The following EHBP1L1 variants were observed in gnomAD, a reference collection of about 807,000 sequenced individuals.
The protein encoded by EHBP1L1 is EH domain binding protein 1 like 1.
A neutral mutation model predicts 151.1 loss-of-function variants in EHBP1L1; 122 were observed. The ratio of observed to expected loss-of-function variants is 0.81; its 90% CI spans 0.70 to 0.94. The LOEUF (loss-of-function observed/expected upper bound fraction) is 0.94, where lower values mean the gene tolerates loss of function less well. Among genes scored for constraint, EHBP1L1 ranks in the 40% least tolerant of loss-of-function variants. The pLI is 0.00. For synonymous variants in EHBP1L1, 878 were observed against 810.1 expected, an observed-to-expected ratio of 1.08 and a Z score of -1.42; for missense variants, 1,941 against 1,959.8, an observed-to-expected ratio of 0.99 and a Z score of 0.18.
Position 65,582,484 on chromosome 11 carries a change from AT to A in EHBP1L1, c.1814del (p.Leu605TrpfsTer37). On this transcript the variant is annotated frameshift_variant, in exon 9 of 19. Transcript: ENST00000309295. LOFTEE classifies it high-confidence loss of function. ...AGACTAGGACACTAGAAATTGAGAT[AT>A]TGGGGGCCTTGGAGAAAGAAGCAGC... ...PETRTLEIEI[L>X]GALEKEAARS... 9 of 1,612,950 alleles carry A rather than the reference AT, an allele frequency of 5.6e-6. No individual in the cohort carries two copies. Among genetic ancestry groups the A allele is most frequent in the Non-Finnish European group, 7.6e-6 (9 of 1,179,810 alleles).
At position 65,582,828 on chromosome 11, in the gene EHBP1L1, C is replaced by G; in HGVS notation, c.2156C>G (p.Thr719Arg). The G allele has an allele frequency of 6.2e-7, 1 of 1,613,408 alleles. No individual in the cohort carries two copies. The highest frequency in any genetic ancestry group is 2.2e-5 in the East Asian group (1 of 44,862). ...SRVPESEAEG[T>R]EAKILGTQEI... ...GTACCAGAGTCAGAGGCTGAGGGGA[C>G]AGAAGCTAAAATATTAGGGACCCAG... Residue 719 changes from threonine (T) to arginine (R), a missense_variant, in exon 9 of 19, where the codon ACA (threonine) becomes AGA (arginine). Thr to Arg is a moderately conservative substitution (Grantham distance 71). Coordinates refer to ENST00000309295, the MANE Select transcript of EHBP1L1 (RefSeq NM_001099409.3).
chr11:65,589,674 A>G, intron 12 of EHBP1L1, 77 bp from the exon 13 acceptor site: 1 of 1,458,972 alleles, frequency 6.9e-7, no homozygotes, highest in Non-Finnish European at 9.0e-7. Flanking sequence ...TCCCCTCTGT[A>G]TGAGTGGCTC....
intron 12 of EHBP1L1, among the ~76,000 whole-genome samples, chr11:65,586,291 A>G (rs1471933172): frequency 6.6e-6 from 1 of 152,096 alleles, no homozygotes; most frequent in Non-Finnish European, 1.5e-5. Flanking sequence ...AAGAGCAGGG[A>G]TTTGCTCAGT....
intron 16 of EHBP1L1, 26 bp from the exon 17 acceptor site, chr11:65,591,774 G>GCCC: frequency 8.0e-6 from 3 of 373,940 alleles, no homozygotes; most frequent in South Asian, 3.8e-5. Flanking sequence ...CCACCCCCCC[G>GCCC]CCACCCACCC....
Position 65,591,824 on chromosome 11 carries a change from A to G in EHBP1L1, c.4308A>G (p.Arg1436=), listed in dbSNP as rs765783940. ...QLLMEEQDLE[R]RFELLSRELR... ...GCATGGAGGAGCAGGACTTGGAGCG[A>G]AGGTTCGAGCTGCTGAGCCGCGAGC... is the stretch of plus-strand genomic sequence containing the variant. Residue 1436 remains arginine, a synonymous_variant, in exon 17 of 19, where the codon CGA becomes CGG. Coordinates refer to ENST00000309295, the MANE Select transcript of EHBP1L1 (RefSeq NM_001099409.3). 3.9e-6 allele frequency: 5 copies of G among 1,280,934 alleles called. No homozygotes were observed. The highest frequency in any genetic ancestry group is 5.1e-6 in the Non-Finnish European group (5 of 978,040). 79.3% of individuals were successfully genotyped at this position (1,280,934 alleles called of 1,614,324 possible). A position where few individuals can be genotyped will look rare whatever the true frequency, so the allele number is the denominator to read the frequency against.
Position 65,581,575 on chromosome 11 carries a change from C to A in EHBP1L1, c.903C>A (p.Thr301=). 6.6e-7 allele frequency: 1 copy of A among 1,514,664 alleles called. No homozygotes were observed. Among genetic ancestry groups the A allele is most frequent in the Non-Finnish European group, 8.8e-7 (1 of 1,132,026 alleles). 93.8% of individuals were successfully genotyped at this position (1,514,664 alleles called of 1,614,324 possible). ...SRQPAQDTAP[T]PAPRLRKGSD... Reference sequence around the variant, plus strand: ...AGCCAGCCCAGGACACGGCCCCCACCCCAGCCCCTCGGCTCCGGAAAGGCT... The same window carrying A: ...AGCCAGCCCAGGACACGGCCCCCACACCAGCCCCTCGGCTCCGGAAAGGCT... The change falls in exon 9 of 19, where the codon ACC becomes ACA. Residue 301 remains threonine, a synonymous_variant. Transcript: ENST00000309295.
Position 65,589,958 on chromosome 11 carries a change from A to G in EHBP1L1, c.4026A>G (p.Glu1342=). The G allele has an allele frequency of 1.9e-6, 3 of 1,578,280 alleles. No homozygotes were observed. The East Asian group carries it at 6.8e-5, about 36-fold the overall frequency. ...QPPGGSSPSE[E]PPPSPGEEAG... is the part of the protein sequence containing the mutation. ...CAGGTGGGAGTTCCCCCTCGGAGGA[A>G]CCACCCCCAAGCCCAGGGGAGGAGG... The change falls in exon 14 of 19, where the codon GAA becomes GAG. Residue 1342 remains glutamate, a synonymous_variant. Transcript: ENST00000309295.
Position 65,585,623 on chromosome 11 carries a change from C to G in EHBP1L1, c.3933+32C>G. On this transcript the variant is annotated intron_variant, in intron 12 of 18. Transcript: ENST00000309295. The surrounding 1 kb of genome is among the most constrained non-coding windows in gnomAD (Gnocchi z 4.0). The stretch of plus-strand genomic sequence containing the variant: ...GTCAAGGTCCTTCTTTCTTCCCCCG[C>G]CGCAGCGCGGGGTCCCGGGAAGATG... 1 of 1,545,064 alleles carries G rather than the reference C, an allele frequency of 6.5e-7. No individual in the cohort carries two copies. The highest frequency in any genetic ancestry group is 1.9e-5 in the Admixed American group (1 of 52,758).
rs778106873 is a variant in EHBP1L1, at chr11:65,583,257, G to A, written c.2585G>A (p.Arg862Gln). 1.1e-5 allele frequency: 17 copies of A among 1,613,434 alleles called. No individual in the cohort carries two copies. The highest frequency in any genetic ancestry group is 4.5e-5 in the East Asian group (2 of 44,890). ...SGPEAGMAEA[R>Q]VLMTRKTEII... ...CCCGAGGCTGGAATGGCAGAGGCCC[G>A]AGTACTGATGACCCGTAAGACAGAA... Residue 862 changes from arginine to glutamine, a missense_variant, in exon 9 of 19, where the codon CGA becomes CAA. Transcript: ENST00000309295.
chr11:65,590,227 G>C lies in EHBP1L1; in HGVS notation c.4183+17G>C, dbSNP rs557826295. 2 of 1,611,046 alleles carry C rather than the reference G, an allele frequency of 1.2e-6. No homozygotes were observed. Among genetic ancestry groups the C allele is most frequent in the Non-Finnish European group, 1.7e-6 (2 of 1,179,116 alleles). On this transcript the variant is annotated intron_variant, in intron 15 of 18. Transcript: ENST00000309295. ...TGGAGTCAGGTGGGGCATACATCTA[G>C]GGATCCCTTCCCCAACACATGCCAC...
rs1225276091 is a variant in EHBP1L1 at position 65,583,198 on chromosome 11, G to A, written c.2526G>A (p.Gln842=). The part of the protein sequence containing the change: ...PGLESEVAGA[Q]ETEVGGSGIS... ...TAGAATCTGAGGTAGCTGGGGCCCA[G>A]GAGACAGAGGTCGGGGGTTCAGGGA... Residue 842 remains glutamine, a synonymous_variant, in exon 9 of 19, where the codon CAG becomes CAA. Coordinates refer to ENST00000309295, the MANE Select transcript of EHBP1L1 (RefSeq NM_001099409.3). The A allele has an allele frequency of 3.1e-6, 5 of 1,613,434 alleles. No individual in the cohort carries two copies. In the African/African-American group the frequency reaches 4.0e-5, roughly 13 times the overall value.
In EHBP1L1 at chr11:65,591,819, G is replaced by A. The variant is rs1279096422; in HGVS notation, c.4303G>A (p.Glu1435Lys). 1.9e-6 allele frequency: 3 copies of A among 1,546,310 alleles called. No individual in the cohort carries two copies. Among genetic ancestry groups the A allele is most frequent in the Admixed American group, 2.0e-5 (1 of 50,800 alleles). The change falls in exon 17 of 19, where the codon GAG becomes AAG. Residue 1435 changes from glutamate to lysine, a missense_variant. Glu to Lys is a moderately conservative substitution (Grantham distance 56, BLOSUM62 1). Transcript: ENST00000309295. Reference sequence around the variant, plus strand: ...TTCCAGCATGGAGGAGCAGGACTTGGAGCGAAGGTTCGAGCTGCTGAGCCG... The same window carrying A: ...TTCCAGCATGGAGGAGCAGGACTTGAAGCGAAGGTTCGAGCTGCTGAGCCG... ...LQLLMEEQDL[E>K]RRFELLSREL...
At chr11:65,584,071 C>T in intron 9 of EHBP1L1, 170 bp from the exon 10 acceptor site, 10 of 1,448,762 alleles carry the variant, frequency 6.9e-6, no homozygotes, top group Admixed American at 2.9e-5. Flanking sequence ...TGGCAGATAA[C>T]CCTGGATCTA....
At chr11:65,589,499 G>A (rs1284989898) in intron 12 of EHBP1L1, among the ~76,000 whole-genome samples, 1 of 152,170 alleles carries the variant, frequency 6.6e-6, no homozygotes, top group African/African-American at 2.4e-5. Flanking sequence ...GAGGCTCGGA[G>A]CCTGGGTGTG....
At position 65,591,962 on chromosome 11, in the gene EHBP1L1, G is replaced by T. The variant is rs750665312; in HGVS notation, c.4358-14G>T. 1.4e-5 allele frequency: 22 copies of T among 1,609,606 alleles called. 1 individual carries two copies. In the Admixed American group the frequency reaches 2.7e-4, roughly 20 times the overall value. ...GGCCCGCGCCTCCTGACGCTTAGCC[G>T]CTTCGACCCTCAGACTGGCAGAAAA... On this transcript the variant is annotated splice_polypyrimidine_tract_variant and intron_variant, in intron 17 of 18. Coordinates refer to ENST00000309295, the MANE Select transcript of EHBP1L1 (RefSeq NM_001099409.3).
chr11:65,589,617 T>C (rs1858153268), intron 12 of EHBP1L1, 134 bp from the exon 13 acceptor site: 1 of 1,371,188 alleles, frequency 7.3e-7, no homozygotes, highest in Non-Finnish European at 9.6e-7. Context: ...CATGCAGGAC[T>C]AGAGGAGGGG....
chr11:65,576,053 A>G lies in EHBP1L1; in HGVS notation c.-250A>G, dbSNP rs1361555327. 4 of 255,624 alleles carry G rather than the reference A, an allele frequency of 1.6e-5. No homozygotes were observed. The highest frequency in any genetic ancestry group is 9.1e-5 in the African/African-American group (4 of 43,856). The allele number at this position is 255,624 out of a possible 1,614,324, so 15.8% of individuals were successfully genotyped here. On this transcript the variant is annotated 5_prime_UTR_variant, in exon 1 of 19. Coordinates refer to ENST00000309295, the MANE Select transcript of EHBP1L1 (RefSeq NM_001099409.3). The stretch of plus-strand genomic sequence containing the variant: ...CGCCTTCCGACGGGGGTGCGGCTCC[A>G]GGAAACGGCGCGCTCCCAGCTCCGC...
In EHBP1L1 at chr11:65,585,429, G is replaced by C; in HGVS notation, c.3771G>C (p.Ser1257=). 1 of 1,471,634 alleles carries C rather than the reference G, an allele frequency of 6.8e-7. No homozygotes were observed. The highest frequency in any genetic ancestry group is 8.9e-7 in the Non-Finnish European group (1 of 1,117,458). 91.2% of individuals were successfully genotyped at this position (1,471,634 alleles called of 1,614,324 possible). Residue 1257 remains serine, a synonymous_variant, in exon 12 of 19, where the codon TCG becomes TCC. Coordinates refer to ENST00000309295, the MANE Select transcript of EHBP1L1 (RefSeq NM_001099409.3). This position sits in a 1 kb window ranked among gnomAD's most constrained non-coding sequence, Gnocchi z 4.0. ...GGGGVRLRRP[S]VNGEPGSVPP... is the part of the protein sequence containing the mutation. ...GCGGCGTGAGGCTGCGACGGCCCTC[G>C]GTCAACGGGGAGCCCGGGTCGGTGC...
At chr11:65,588,189 G>A (rs1464075540) in intron 12 of EHBP1L1, among the ~76,000 whole-genome samples, 3 of 152,108 alleles carry the variant, frequency 2.0e-5, no homozygotes, top group African/African-American at 7.2e-5. Flanking sequence ...CGGCAGGGGG[G>A]TCTCTGGAGG....
Sources: gnomAD v4.1 joint callset for allele counts (sites outside exome capture counted in the v4.1 genomes callset) on GRCh38, gnomAD v4.1.1 for gene constraint, Gnocchi (gnomAD v3.1) non-coding constraint, MANE v1.5 for transcripts, NCBI Gene and HGNC (gene_info 2026-07-23, HGNC 2026-07-21) for gene names.